Variants in CCKBR observed in about 807,000 individuals in gnomAD.
The protein encoded by CCKBR is cholecystokinin B receptor.
A neutral mutation model predicts 34.6 loss-of-function variants in CCKBR; 33 were observed. The observed-to-expected ratio is 0.95, with a 90% CI of 0.72 to 1.27. CCKBR has a LOEUF of 1.27. Among genes scored for constraint, CCKBR ranks in the 50% most tolerant of loss-of-function variants. The pLI is 0.00. For missense variants in CCKBR, 652 were observed against 617.4 expected, an observed-to-expected ratio of 1.06 and a Z score of -0.59; for synonymous variants, 269 against 267.5, an observed-to-expected ratio of 1.01 and a Z score of -0.06.
intron 1 of CCKBR, among the ~76,000 whole-genome samples, chr11:6,262,171 C>T (rs554063517): frequency 1.2e-4 from 19 of 152,230 alleles, no homozygotes; most frequent in African/African-American, 4.1e-4. Context: ...GTGAGGTTAC[C>T]TAGTAAGCTG....
chr11:6,270,057 G>A (rs1305682164), intron 2 of CCKBR, 31 bp from the exon 3 acceptor site: 4 of 1,589,718 alleles, frequency 2.5e-6, no homozygotes, highest in Non-Finnish European at 3.4e-6. Context: ...AGTTTCCTAG[G>A]TGACTCCTTC....
intron 1 of CCKBR, chr11:6,264,489 A>T: frequency 1.4e-6 from 1 of 695,556 alleles, no homozygotes; most frequent in Non-Finnish European, 2.6e-6. Context: ...ACAAATACAG[A>T]TCTTCTAAAC....
chr11:6,269,550 A>G lies in CCKBR; in HGVS notation c.152-119A>G, dbSNP rs1055461788. The G allele has an allele frequency of 1.4e-5, 16 of 1,166,622 alleles. No homozygotes were observed. In the African/African-American group the frequency reaches 2.0e-4, roughly 14 times the overall value. The allele number at this position is 1,166,622 out of a possible 1,614,324, so 72.3% of individuals were successfully genotyped here. A position where few individuals can be genotyped will look rare whatever the true frequency, so the allele number is the denominator to read the frequency against. Reference sequence around the variant, plus strand: ...AAGTTCACCATTTACTGAGCAGTTCATCGGTGGGGAATGTAGGCATCTGGC... The same window carrying G: ...AAGTTCACCATTTACTGAGCAGTTCGTCGGTGGGGAATGTAGGCATCTGGC... On this transcript the variant is annotated intron_variant, in intron 1 of 4. Transcript: ENST00000334619.
At chr11:6,262,414 G>T (rs898702947) in intron 1 of CCKBR, among the ~76,000 whole-genome samples, 1 of 152,172 alleles carries the variant, frequency 6.6e-6, no homozygotes, top group Admixed American at 6.5e-5. Context: ...CATCAGAAAG[G>T]CAGGAGCTAC....
At position 6,271,163 on chromosome 11, in the gene CCKBR, C is replaced by T. The variant is rs199633246; in HGVS notation, c.964C>T (p.Gln322Ter). The change falls in exon 5 of 5, where the codon CAG becomes TAG. Residue 322 changes from glutamine to a stop codon, truncating the protein, a stop_gained. Coordinates refer to ENST00000334619, the MANE Select transcript of CCKBR (RefSeq NM_176875.4). LOFTEE classifies it high-confidence loss of function. ...PGPGSGSRPT[Q>*]AKLLAKKRVV... ...GCCGGGATCCGGCTCCCGGCCCACC[C>T]AGGCCAAGCTGCTGGCTAAGAAGCG... is the stretch of plus-strand genomic sequence containing the variant. The T allele has an allele frequency of 1.8e-5, 29 of 1,614,074 alleles. No individual in the cohort carries two copies. Among genetic ancestry groups the T allele is most frequent in the Non-Finnish European group, 2.4e-5 (28 of 1,180,018 alleles).
intron 1 of CCKBR, 88 bp from the exon 2 acceptor site, chr11:6,269,581 A>G: frequency 2.1e-6 from 3 of 1,451,030 alleles, no homozygotes; most frequent in African/African-American, 1.4e-5. Context: ...CTGGCTGGGT[A>G]GTGAGGGTTG....
intron 3 of CCKBR, 137 bp downstream of exon 3, chr11:6,270,474 T>C: frequency 7.1e-7 from 1 of 1,408,388 alleles, no homozygotes; most frequent in Non-Finnish European, 9.6e-7. Flanking sequence ...CACCCTGGAG[T>C]TCCAGTTTGG....
At position 6,270,728 on chromosome 11, in the gene CCKBR, T is replaced by C. The variant is rs936879432; in HGVS notation, c.736T>C (p.Tyr246His). 1.2e-6 allele frequency: 2 copies of C among 1,614,214 alleles called. No homozygotes were observed. The highest frequency in any genetic ancestry group is 3.3e-5 in the Admixed American group (2 of 60,026). The change falls in exon 4 of 5, where the codon TAC becomes CAC. Residue 246 changes from tyrosine (Y) to histidine (H), a missense_variant. By Grantham distance (83) the Tyr-to-His change is moderately conservative. Transcript: ENST00000334619. ...CTACGGGCTTATCTCTCGCGAGCTC[T>C]ACTTAGGGCTTCGCTTTGACGGCGA... ...VAYGLISRELYLGLRFDGDSD... is the reference protein window; with the variant it reads ...VAYGLISRELHLGLRFDGDSD...
chr11:6,261,505 A>C (rs930841947), intron 1 of CCKBR, among the ~76,000 whole-genome samples: 3 of 149,910 alleles, frequency 2.0e-5, no homozygotes, highest in Non-Finnish European at 4.4e-5. Flanking sequence ...ACACATATAC[A>C]TATGGGAGAG....
intron 1 of CCKBR, among the ~76,000 whole-genome samples, chr11:6,263,319 T>C (rs1848163619): frequency 6.6e-6 from 1 of 152,178 alleles, no homozygotes; most frequent in Non-Finnish European, 1.5e-5. Context: ...CAACCAGATA[T>C]TACCTATGCT....
rs562018574 is a variant in CCKBR at position 6,272,083 on chromosome 11, C to G, written c.*540C>G. On this transcript the variant is annotated 3_prime_UTR_variant, in exon 5 of 5. Transcript: ENST00000334619. ...CGTGGCCCTGCCCTCTCCTTCCTTA[C>G]CCAAACTGTTCAAGAAATAATAAAT... is the stretch of plus-strand genomic sequence containing the variant. 6.5e-6 allele frequency: 1 copy of G among 153,266 alleles called. No individual in the cohort carries two copies. The highest frequency in any genetic ancestry group is 2.1e-4 in the South Asian group (1 of 4,836). 9.5% of individuals were successfully genotyped at this position (153,266 alleles called of 1,614,324 possible).
In CCKBR at chr11:6,262,686, A is replaced by AGAG. The variant is rs1848151506; in HGVS notation, c.151+2607_151+2608insGAG. On this transcript the variant is annotated intron_variant, in intron 1 of 4. Transcript: ENST00000334619. ...TTTCAAGAAGTCTGGTAGGCAAAGA[A>AGAG]AGAGAGAGAGAGAGAGAGAGAGAGA... 6.7e-3 allele frequency among the ~76,000 whole-genome samples: 804 copies of AGAG among 119,226 alleles called. 7 individuals carry two copies. Among genetic ancestry groups the AGAG allele is most frequent in the Non-Finnish European group, 0.01 (578 of 56,034 alleles). 78.2% of individuals were successfully genotyped at this position (119,226 alleles called of 152,430 possible).
At position 6,270,211 on chromosome 11, in the gene CCKBR, T is replaced by C. The variant is rs759134569; in HGVS notation, c.527T>C (p.Val176Ala). The C allele has an allele frequency of 2.5e-6, 4 of 1,613,490 alleles. No individual in the cohort carries two copies. The South Asian group carries it at 4.4e-5, about 18-fold the overall frequency. Residue 176 changes from valine to alanine, a missense_variant, in exon 3 of 5, where the codon GTA (valine) becomes GCA (alanine). By Grantham distance (64) the Val-to-Ala change is moderately conservative. Transcript: ENST00000334619. ...QTRSHAARVI[V>A]ATWLLSGLLM... ...CGCTCCCACGCGGCTCGCGTGATTG[T>C]AGCCACGTGGCTGCTGTCCGGACTA...
At chr11:6,265,522 T>C (rs185401528) in intron 1 of CCKBR, among the ~76,000 whole-genome samples, 201 of 152,114 alleles carry the variant, frequency 1.3e-3, no homozygotes, top group Middle Eastern at 3.4e-3. Context: ...GTAAGCAAGA[T>C]AATGGAACTA....
chr11:6,268,228 T>C (rs1297467059), intron 1 of CCKBR, among the ~76,000 whole-genome samples: 1 of 152,156 alleles, frequency 6.6e-6, no homozygotes, highest in African/African-American at 2.4e-5. Flanking sequence ...GGCTGTAGTT[T>C]TCAATTTGGG....
chr11:6,260,812 A>G (rs901485167), intron 1 of CCKBR, among the ~76,000 whole-genome samples: 1 of 152,220 alleles, frequency 6.6e-6, no homozygotes, highest in Admixed American at 6.5e-5. Context: ...AACTAGACCC[A>G]GTCTGGACCC....
In CCKBR at chr11:6,270,769, C is replaced by A. The variant is rs906537966; in HGVS notation, c.777C>A (p.Ser259Arg). The A allele has an allele frequency of 5.0e-6, 8 of 1,614,182 alleles. No individual in the cohort carries two copies. The highest frequency in any genetic ancestry group is 6.8e-6 in the Non-Finnish European group (8 of 1,180,048). ...LRFDGDSDSD[S>R]QSRVRNQGGL... is the part of the protein sequence containing the mutation. ...TTGACGGCGACAGTGACAGCGACAG[C>A]CAAAGCAGGGTCCGAAACCAAGGCG... Residue 259 changes from serine to arginine, a missense_variant, in exon 4 of 5, where the codon AGC becomes AGA. Physicochemically the swap from Ser to Arg is moderately radical, Grantham distance 110. Coordinates refer to ENST00000334619, the MANE Select transcript of CCKBR (RefSeq NM_176875.4).
Position 6,271,803 on chromosome 11 carries a change from C to T in CCKBR, c.*260C>T, listed in dbSNP as rs1236147045. On this transcript the variant is annotated 3_prime_UTR_variant, in exon 5 of 5. Coordinates refer to ENST00000334619, the MANE Select transcript of CCKBR (RefSeq NM_176875.4). The stretch of plus-strand genomic sequence containing the variant: ...CTGACCTTGGAGAGACACAGCGTCC[C>T]TAGCAGTGAACTATTTCTACACAGT... 1 of 468,740 alleles carries T rather than the reference C, an allele frequency of 2.1e-6. No homozygotes were observed. The highest frequency in any genetic ancestry group is 3.8e-6 in the Non-Finnish European group (1 of 265,574). The allele number at this position is 468,740 out of a possible 1,614,324, so 29.0% of individuals were successfully genotyped here.
At chr11:6,269,552 C>G in intron 1 of CCKBR, 117 bp from the exon 2 acceptor site, 1 of 1,172,728 alleles carries the variant, frequency 8.5e-7, no homozygotes, top group Admixed American at 1.8e-5. Context: ...AGCAGTTCAT[C>G]GGTGGGGAAT....
Sources: allele counts gnomAD v4.1 joint callset (sites outside exome capture counted in the v4.1 genomes callset), GRCh38; gene constraint gnomAD v4.1.1; transcripts MANE v1.5; gene names NCBI Gene and HGNC (gene_info 2026-07-23, HGNC 2026-07-21).